Variants in CEP192 observed in about 807,000 individuals in gnomAD.
CEP192 encodes centrosomal protein 192.
Under a neutral mutation model 271.8 loss-of-function variants are expected in CEP192, and 151 were observed. That is an observed-to-expected ratio of 0.56 (90% CI 0.49 to 0.64). The LOEUF is 0.64. CEP192 is among the 30% of genes least tolerant of loss of function. The probability of loss-of-function intolerance (pLI) is 0.00; values close to 1 mark genes in which losing one functional copy is unlikely to be tolerated. For synonymous variants in CEP192, 995 were observed against 1,076.5 expected (o/e 0.92, Z 1.48); for missense variants, 2,910 against 3,020.5 (o/e 0.96, Z 0.86).
In CEP192 at chr18:13,017,211, T is replaced by C. The variant is rs1369758383; in HGVS notation, c.664T>C (p.Phe222Leu). The change falls in exon 7 of 45, where the codon TTT (phenylalanine) becomes CTT (leucine). Residue 222 changes from phenylalanine (F) to leucine (L), a missense_variant. Phe to Leu is a conservative substitution (Grantham distance 22, BLOSUM62 0). Transcript: ENST00000506447. ...AGATGATGATATTGATGATGAAATG[T>C]TTTATGATGATCATTTGGAGGCTTA... ...SSDDDIDDEM[F>L]YDDHLEAYFE... 2 of 1,548,710 alleles carry C rather than the reference T, an allele frequency of 1.3e-6. No individual in the cohort carries two copies. Among genetic ancestry groups the C allele is most frequent in the Admixed American group, 2.0e-5 (1 of 50,762 alleles).
At chr18:13,016,005 C>T (rs1342060701) in intron 6 of CEP192, among the ~76,000 whole-genome samples, 2 of 152,246 alleles carry the variant, frequency 1.3e-5, no homozygotes, top group East Asian at 3.9e-4. Context: ...CTCGGCCTCC[C>T]AAAGTGTTGG....
intron 11 of CEP192, among the ~76,000 whole-genome samples, chr18:13,035,029 G>T (rs536545612): frequency 2.3e-4 from 35 of 152,224 alleles, no homozygotes; most frequent in African/African-American, 8.4e-4. Flanking sequence ...GTATGCCAAA[G>T]AATTGGCATA....
chr18:12,992,901 T>G (rs2032964842), intron 1 of CEP192, among the ~76,000 whole-genome samples: 1 of 152,222 alleles, frequency 6.6e-6, no homozygotes, highest in Non-Finnish European at 1.5e-5. Flanking sequence ...GAATGACCTT[T>G]GCATAATTTC....
rs2040307253 is a variant in CEP192 at position 13,113,661 on chromosome 18, G to C, written c.7123G>C (p.Glu2375Gln). The stretch of plus-strand genomic sequence containing the variant: ...GGATGTTGAATGTCACCCTCTTAAG[G>C]AGCCTCACATGAAACACACGTTGAG... ...FWDVECHPLK[E>Q]PHMKHTLRFQ... The change falls in exon 41 of 45, where the codon GAG (glutamate) becomes CAG (glutamine). Residue 2375 changes from glutamate (E) to glutamine (Q), a missense_variant. Glu to Gln is a conservative substitution (Grantham distance 29). Coordinates refer to ENST00000506447, the MANE Select transcript of CEP192 (RefSeq NM_032142.4). 3 of 1,613,440 alleles carry C rather than the reference G, an allele frequency of 1.9e-6. No homozygotes were observed. Among genetic ancestry groups the C allele is most frequent in the South Asian group, 2.2e-5 (2 of 91,032 alleles).
In CEP192 at chr18:13,059,104, G is replaced by A. The variant is rs567691134; in HGVS notation, c.4280G>A (p.Cys1427Tyr). The A allele has an allele frequency of 2.5e-6, 4 of 1,613,574 alleles. No individual in the cohort carries two copies. The highest frequency in any genetic ancestry group is 3.4e-6 in the Non-Finnish European group (4 of 1,179,506). The change falls in exon 21 of 45, where the codon TGT (cysteine) becomes TAT (tyrosine). Residue 1427 changes from cysteine (C) to tyrosine (Y), a missense_variant. Physicochemically the swap from Cys to Tyr is radical, Grantham distance 194. Transcript: ENST00000506447. ...AAGGTGGATCTTTCAACATATCGTT[G>A]TTTAGTTTTCAAGAATAAAGCCATC... ...GEKVDLSTYR[C>Y]LVFKNKAIIR... is the part of the protein sequence containing the mutation.
At chr18:12,993,606 C>A (rs149352024) in intron 1 of CEP192, among the ~76,000 whole-genome samples, 2 of 152,202 alleles carry the variant, frequency 1.3e-5, no homozygotes, top group African/African-American at 2.4e-5. Flanking sequence ...CCGTGGCCTC[C>A]TGAGTAGCTG....
chr18:12,995,684 A>G (rs1193229230), intron 1 of CEP192, among the ~76,000 whole-genome samples: 1 of 152,228 alleles, frequency 6.6e-6, no homozygotes, highest in Non-Finnish European at 1.5e-5. Context: ...GGTGGTGGTC[A>G]GTACTATAGA....
chr18:13,051,019 C>T (rs925235228), intron 17 of CEP192, among the ~76,000 whole-genome samples: 1 of 152,190 alleles, frequency 6.6e-6, no homozygotes, highest in Non-Finnish European at 1.5e-5. Context: ...TATTGCTTTA[C>T]TGTCCCTATG....
In CEP192 at chr18:13,019,864, G is replaced by C. The variant is rs188044908; in HGVS notation, c.1050+658G>C. ...TGAGACAGTCTCACTCTGTCACCCA[G>C]TGCAGTGGCGTGATCTCAGCTCACT... On this transcript the variant is annotated intron_variant, in intron 9 of 44. Coordinates refer to ENST00000506447, the MANE Select transcript of CEP192 (RefSeq NM_032142.4). Among the ~76,000 whole-genome samples, 451 of 150,498 alleles carry C rather than the reference G, an allele frequency of 3.0e-3. 2 individuals carry two copies. Among genetic ancestry groups the C allele is most frequent in the Non-Finnish European group, 4.9e-3 (334 of 67,812 alleles).
chr18:13,082,808 G>C (rs184987291), intron 30 of CEP192, among the ~76,000 whole-genome samples: 135 of 152,254 alleles, frequency 8.9e-4, no homozygotes, highest in Non-Finnish European at 1.6e-3. Context: ...CTCTTGTAAG[G>C]CAGGCCTGGT....
chr18:13,073,331 A>AGAAT, intron 30 of CEP192, 146 bp downstream of exon 30: 1 of 724,078 alleles, frequency 1.4e-6, no homozygotes, highest in Non-Finnish European at 2.2e-6. Flanking sequence ...GGAGTAATTT[A>AGAAT]TATGCTTTGT....
intron 42 of CEP192, 35 bp from the exon 43 acceptor site, chr18:13,116,342 C>A: frequency 6.3e-7 from 1 of 1,597,896 alleles, no homozygotes; most frequent in South Asian, 1.2e-5. Flanking sequence ...CTGTGGATTT[C>A]AGATTCTTAA....
At chr18:12,994,294 A>C (rs2033076403) in intron 1 of CEP192, among the ~76,000 whole-genome samples, 1 of 152,178 alleles carries the variant, frequency 6.6e-6, no homozygotes, top group South Asian at 2.1e-4. Context: ...AGAAGGTAAC[A>C]TATAAATTGA....
intron 9 of CEP192, among the ~76,000 whole-genome samples, chr18:13,023,844 G>A (rs931980162): frequency 2.0e-5 from 3 of 152,138 alleles, no homozygotes; most frequent in Non-Finnish European, 2.9e-5. Context: ...GAACCTATCT[G>A]GGCATGGTGC....
intron 13 of CEP192, among the ~76,000 whole-genome samples, chr18:13,038,805 T>A (rs1430228170): frequency 6.6e-6 from 1 of 152,212 alleles, no homozygotes; most frequent in Admixed American, 6.5e-5. Flanking sequence ...AATTTCCCGT[T>A]TCTTAACAGC....
At chr18:13,024,772 A>G (rs978460861) in intron 9 of CEP192, among the ~76,000 whole-genome samples, 3 of 137,594 alleles carry the variant, frequency 2.2e-5, no homozygotes, top group Non-Finnish European at 4.7e-5. Flanking sequence ...ATTTATTTTT[A>G]TTCATTTATT....
intron 18 of CEP192, among the ~76,000 whole-genome samples, chr18:13,055,018 C>T (rs1452813003): frequency 1.3e-5 from 2 of 152,160 alleles, no homozygotes; most frequent in Non-Finnish European, 2.9e-5. Context: ...TGGCTCATAC[C>T]TGTAATCCCA....
Position 13,057,722 on chromosome 18 carries a change from A to G in CEP192, c.4246A>G (p.Asn1416Asp). ...VSIGVLSISV[N>D]GEKVDLSTYR... ...CATTGGGGTCCTCAGCATTAGTGTT[A>G]ATGGTGAAAAGGTAGCTTTCTATGT... The change falls in exon 20 of 45, where the codon AAT becomes GAT. Residue 1416 changes from asparagine to aspartate, a missense_variant. Coordinates refer to ENST00000506447, the MANE Select transcript of CEP192 (RefSeq NM_032142.4). The G allele has an allele frequency of 6.2e-7, 1 of 1,613,224 alleles. No individual in the cohort carries two copies. Among genetic ancestry groups the G allele is most frequent in the Non-Finnish European group, 8.5e-7 (1 of 1,179,542 alleles).
intron 20 of CEP192, 124 bp from the exon 21 acceptor site, chr18:13,058,958 A>G: frequency 1.5e-6 from 1 of 665,742 alleles, no homozygotes; most frequent in Non-Finnish European, 2.7e-6. Context: ...ACATTTTTGA[A>G]GAGATAATAA....
Sources: allele counts gnomAD v4.1 joint callset (sites outside exome capture counted in the v4.1 genomes callset), GRCh38; gene constraint gnomAD v4.1.1; transcripts MANE v1.5; gene names NCBI Gene and HGNC (gene_info 2026-07-23, HGNC 2026-07-21).